DCDC2: variants seen among roughly 807,000 people sequenced by gnomAD.
The protein encoded by DCDC2 is doublecortin domain containing 2, also known as doublecortin domain-containing protein 2.
In DCDC2, 40 loss-of-function variants were observed where a neutral mutation model predicts 50.2. That is an observed-to-expected ratio of 0.80 (90% CI 0.62 to 1.04). The LOEUF (loss-of-function observed/expected upper bound fraction) is 1.04, where lower values mean the gene tolerates loss of function less well. Ranked by LOEUF, DCDC2 falls within the 50% of genes least tolerant of loss-of-function variation. The pLI, the probability that DCDC2 is intolerant of heterozygous loss-of-function variation, is 0.00. For synonymous variants in DCDC2, 234 were observed against 210.6 expected (o/e 1.11, Z -0.96); for missense variants, 570 against 581.9 (o/e 0.98, Z 0.21).
chr6:24,376,033 A>T, the DCDC2 span, among the ~76,000 whole-genome samples: 10 of 151,838 alleles, frequency 6.6e-5, no homozygotes, highest in African/African-American at 2.4e-4. Context: ...TCCTGGAAAA[A>T]AAAAAACAAA....
At chr6:24,202,858 C>A (rs923349122) in intron 8 of DCDC2, among the ~76,000 whole-genome samples, 1 of 152,048 alleles carries the variant, frequency 6.6e-6, no homozygotes, top group Non-Finnish European at 1.5e-5. Flanking sequence ...AACAGAGAGC[C>A]AAATCATGAG....
chr6:24,180,424 A>G (rs970849002), intron 8 of DCDC2, among the ~76,000 whole-genome samples: 2 of 151,950 alleles, frequency 1.3e-5, no homozygotes, highest in South Asian at 4.2e-4. Flanking sequence ...AGCTGGGACT[A>G]CAGGCGCCCG....
At chr6:24,187,397 C>T (rs898494080) in intron 8 of DCDC2, among the ~76,000 whole-genome samples, 2 of 152,100 alleles carry the variant, frequency 1.3e-5, no homozygotes, top group Non-Finnish European at 2.9e-5. Context: ...TGGGTAGAAC[C>T]ACCTTCTCCA....
At chr6:24,197,978 C>T (rs1761483336) in intron 8 of DCDC2, among the ~76,000 whole-genome samples, 1 of 152,122 alleles carries the variant, frequency 6.6e-6, no homozygotes. Context: ...AGAAAATTAA[C>T]ACTACTTAGT....
chr6:24,271,669 C>G (rs1403967893), intron 7 of DCDC2, among the ~76,000 whole-genome samples: 1 of 152,166 alleles, frequency 6.6e-6, no homozygotes. Flanking sequence ...TCTTGGCATT[C>G]TAAAGTGGAG....
chr6:24,307,332 C>A (rs1278290823), intron 2 of DCDC2, among the ~76,000 whole-genome samples: 5 of 152,104 alleles, frequency 3.3e-5, no homozygotes, highest in Admixed American at 3.3e-4. Flanking sequence ...CTTGGAAGAA[C>A]TGATTATAGA....
chr6:24,277,242 G>C (rs1427983323), intron 7 of DCDC2, among the ~76,000 whole-genome samples: 1 of 141,922 alleles, frequency 7.0e-6, no homozygotes, highest in Admixed American at 7.2e-5. Flanking sequence ...CCTCTTCCTG[G>C]AACCCCTCAC....
At chr6:24,284,759 G>A (rs1304679168) in intron 6 of DCDC2, among the ~76,000 whole-genome samples, 1 of 151,880 alleles carries the variant, frequency 6.6e-6, no homozygotes, top group African/African-American at 2.4e-5. Flanking sequence ...TTCATTCACG[G>A]CCTTCTTTCT....
intron 5 of DCDC2, 55 bp from the exon 6 acceptor site, chr6:24,288,961 A>G (rs1390322780): frequency 1.5e-6 from 2 of 1,326,624 alleles, no homozygotes; most frequent in Non-Finnish European, 2.1e-6. Flanking sequence ...AATAATGTAC[A>G]ATGCAAGATA....
chr6:24,280,931 C>T (rs1216249100), intron 6 of DCDC2, among the ~76,000 whole-genome samples: 1 of 152,144 alleles, frequency 6.6e-6, no homozygotes, highest in Non-Finnish European at 1.5e-5. Flanking sequence ...TGCTGTTGAA[C>T]TTGCAAGGAC....
In DCDC2 at chr6:24,226,797, A is replaced by C. The variant is rs543431893; in HGVS notation, c.923-21695T>G. ...GGTAGCAAGGAAGAAACACAAGCCA[A>C]AAGGTGACTCCGAGGTTTCTCACTT... On this transcript the variant is annotated intron_variant, in intron 7 of 9. Transcript: ENST00000378454. Among the ~76,000 whole-genome samples, 121 of 152,352 alleles carry C rather than the reference A, an allele frequency of 7.9e-4. No individual in the cohort carries two copies. In the Middle Eastern group the frequency reaches 0.017, roughly 21 times the overall value.
chr6:24,188,960 G>C (rs1253031516), intron 8 of DCDC2, among the ~76,000 whole-genome samples: 1 of 151,792 alleles, frequency 6.6e-6, no homozygotes, highest in African/African-American at 2.4e-5. Context: ...TACGATTACA[G>C]ACAATATGTA....
At chr6:24,311,766 T>C (rs1306664255) in intron 2 of DCDC2, among the ~76,000 whole-genome samples, 1 of 151,958 alleles carries the variant, frequency 6.6e-6, no homozygotes, top group Admixed American at 6.6e-5. Flanking sequence ...CAAACCAGAG[T>C]TCTTCCTACT....
intron 2 of DCDC2, among the ~76,000 whole-genome samples, chr6:24,341,733 G>C (rs1184304860): frequency 6.6e-6 from 1 of 152,096 alleles, no homozygotes; most frequent in African/African-American, 2.4e-5. Flanking sequence ...GTTATTTAGG[G>C]AACAGTCTGG....
intron 2 of DCDC2, among the ~76,000 whole-genome samples, chr6:24,318,885 G>A (rs568189000): frequency 1.3e-5 from 2 of 152,060 alleles, no homozygotes; most frequent in South Asian, 4.1e-4. Context: ...ATAGTGCTGA[G>A]ATAAACATAT....
chr6:24,226,533 A>G (rs1201729309), intron 7 of DCDC2, among the ~76,000 whole-genome samples: 1 of 152,234 alleles, frequency 6.6e-6, no homozygotes, highest in Non-Finnish European at 1.5e-5. Context: ...TCTTGTCAAC[A>G]AGAAGCCACC....
chr6:24,210,737 G>A (rs1291079985), intron 7 of DCDC2, among the ~76,000 whole-genome samples: 1 of 152,164 alleles, frequency 6.6e-6, no homozygotes, highest in Non-Finnish European at 1.5e-5. Flanking sequence ...TTTAAAAAGT[G>A]TTTAATTCCA....
intron 7 of DCDC2, among the ~76,000 whole-genome samples, chr6:24,259,471 A>G (rs1378933884): frequency 6.6e-6 from 1 of 152,236 alleles, no homozygotes; most frequent in East Asian, 1.9e-4. Context: ...ATATGAAAAT[A>G]ACATTATAAG....
chr6:24,361,756 C>A (rs898798260), upstream of DCDC2, among the ~76,000 whole-genome samples: 23 of 152,156 alleles, frequency 1.5e-4, no homozygotes, highest in African/African-American at 5.3e-4. Flanking sequence ...GAGCATTAAA[C>A]CAATCATGGG....
Sources: gnomAD v4.1 joint callset for allele counts (sites outside exome capture counted in the v4.1 genomes callset) on GRCh38, gnomAD v4.1.1 for gene constraint, MANE v1.5 for transcripts, NCBI Gene and HGNC (gene_info 2026-07-23, HGNC 2026-07-21) for gene names.